MYH15: variants seen among roughly 807,000 people sequenced by gnomAD.
MYH15 encodes the protein myosin heavy chain 15, also known as myosin-15.
Under a neutral mutation model 240.5 loss-of-function variants are expected in MYH15, and 227 were observed. The observed-to-expected ratio is 0.94, with a 90% CI of 0.85 to 1.05. The LOEUF (loss-of-function observed/expected upper bound fraction) is 1.05, where lower values mean the gene tolerates loss of function less well. Ranked by LOEUF, MYH15 falls within the 50% of genes least tolerant of loss-of-function variation. The probability of loss-of-function intolerance (pLI) is 0.00; values close to 1 mark genes in which losing one functional copy is unlikely to be tolerated. For synonymous variants in MYH15, 785 were observed against 796.7 expected, an observed-to-expected ratio of 0.99 and a Z score of 0.25; for missense variants, 2,217 against 2,247.5, an observed-to-expected ratio of 0.99 and a Z score of 0.27.
chr3:108,515,307 A>G (rs949128914), upstream of MYH15, among the ~76,000 whole-genome samples: 1 of 152,194 alleles, frequency 6.6e-6, no homozygotes, highest in Non-Finnish European at 1.5e-5. Flanking sequence ...GTGTGGTCAC[A>G]TGGTGCCACA....
intron 27 of MYH15, among the ~76,000 whole-genome samples, chr3:108,427,698 T>C (rs2082737739): frequency 6.6e-6 from 1 of 151,994 alleles, no homozygotes; most frequent in Admixed American, 6.6e-5. Flanking sequence ...CAGTATGGTA[T>C]TTAAAAGGAA....
chr3:108,495,915 T>C, intron 6 of MYH15, 43 bp from the exon 7 acceptor site: 1 of 1,454,556 alleles, frequency 6.9e-7, no homozygotes, highest in Non-Finnish European at 9.4e-7. Flanking sequence ...AAACTATTAG[T>C]AGAATTCTGT....
At chr3:108,498,839 G>T (rs1488110879) in intron 5 of MYH15, among the ~76,000 whole-genome samples, 1 of 152,232 alleles carries the variant, frequency 6.6e-6, no homozygotes, top group Non-Finnish European at 1.5e-5. Context: ...CACCATCATT[G>T]CATGGGAAGG....
rs187959919 is a variant in MYH15 at position 108,492,148 on chromosome 3, C to T, written c.871+352G>A. Among the ~76,000 whole-genome samples the T allele has an allele frequency of 5.1e-3, 768 of 151,748 alleles. 3 individuals carry two copies. The highest frequency in any genetic ancestry group is 7.9e-3 in the Non-Finnish European group (537 of 67,954). On this transcript the variant is annotated intron_variant, in intron 9 of 40. Coordinates refer to ENST00000693548, the MANE Select transcript of MYH15 (RefSeq NM_014981.3). ...ATGATGCTATTTCCCTCCCCTGGTC[C>T]TTATCTATACCACCCATGTAGCTCT...
chr3:108,404,716 T>C (rs952851311), intron 33 of MYH15, among the ~76,000 whole-genome samples: 3 of 152,220 alleles, frequency 2.0e-5, no homozygotes, highest in African/African-American at 7.2e-5. Flanking sequence ...AAGGATTCAA[T>C]AAGCAGCTTA....
the MYH15 span, among the ~76,000 whole-genome samples, chr3:108,534,763 C>T: frequency 3.3e-5 from 5 of 151,454 alleles, no homozygotes; most frequent in African/African-American, 4.9e-5. Context: ...CACCTGTAGT[C>T]CCAGCTACTT....
At chr3:108,408,257 T>C in intron 32 of MYH15, 23 bp downstream of exon 32, 1 of 1,597,756 alleles carries the variant, frequency 6.3e-7, no homozygotes, top group Non-Finnish European at 8.5e-7. Flanking sequence ...GTGAAAACTT[T>C]CTTTTCTCCC....
chr3:108,397,924 T>G (rs1297098085), intron 35 of MYH15, among the ~76,000 whole-genome samples: 1 of 152,146 alleles, frequency 6.6e-6, no homozygotes, highest in Non-Finnish European at 1.5e-5. Flanking sequence ...ATCCTGGCTG[T>G]GGATGCCCTG....
intron 35 of MYH15, among the ~76,000 whole-genome samples, chr3:108,396,459 C>T (rs540364761): frequency 2.0e-5 from 3 of 152,278 alleles, no homozygotes; most frequent in African/African-American, 7.2e-5. Flanking sequence ...AGAGCATTTG[C>T]ACTCCTATGA....
chr3:108,475,426 T>C (rs2083212166), intron 12 of MYH15, among the ~76,000 whole-genome samples: 1 of 152,184 alleles, frequency 6.6e-6, no homozygotes, highest in Admixed American at 6.6e-5. Flanking sequence ...AAAGGCTACA[T>C]TTCTCAGCCC....
intron 31 of MYH15, among the ~76,000 whole-genome samples, chr3:108,409,968 C>T (rs7646656): frequency 1.3e-5 from 2 of 152,152 alleles, no homozygotes; most frequent in Admixed American, 1.3e-4. Context: ...CATGCAAAGA[C>T]CCACAAGGTA....
At chr3:108,496,900 C>A (rs1423156534) in intron 6 of MYH15, among the ~76,000 whole-genome samples, 1 of 151,276 alleles carries the variant, frequency 6.6e-6, no homozygotes, top group Non-Finnish European at 1.5e-5. Flanking sequence ...CGGTGGCTCA[C>A]GCCTGTAATC....
At position 108,428,198 on chromosome 3, in the gene MYH15, C is replaced by T. The variant is rs142240940; in HGVS notation, c.3702+294G>A. ...TCAAGACAGACATAGATAGTGGCCTCAGATTTCCAGCTCACTTACTTGTGC... is the reference window on the plus strand; with the variant it reads ...TCAAGACAGACATAGATAGTGGCCTTAGATTTCCAGCTCACTTACTTGTGC... On this transcript the variant is annotated intron_variant, in intron 27 of 40. Transcript: ENST00000693548. Among the ~76,000 whole-genome samples, 6 of 152,286 alleles carry T rather than the reference C, an allele frequency of 3.9e-5. No individual in the cohort carries two copies. In the East Asian group the frequency reaches 7.7e-4, roughly 20 times the overall value.
rs1397162782 is a variant in MYH15, at chr3:108,506,107, A to G, written c.89-278T>C. ...AAAGTTACCTCCCAACACCCCTCCC[A>G]ACCCCAACACTTTCCTCCACTCACA... is the stretch of plus-strand genomic sequence containing the variant. On this transcript the variant is annotated intron_variant, in intron 1 of 40. Transcript: ENST00000693548. Among the ~76,000 whole-genome samples the G allele has an allele frequency of 3.3e-5, 5 of 152,118 alleles. No individual in the cohort carries two copies. In the East Asian group the frequency reaches 9.7e-4, roughly 29 times the overall value.
intron 11 of MYH15, among the ~76,000 whole-genome samples, chr3:108,478,478 C>A (rs200180023): frequency 6.6e-6 from 1 of 152,024 alleles, no homozygotes; most frequent in East Asian, 1.9e-4. Flanking sequence ...CCAGGTTTGG[C>A]GGCAAAAGCT....
chr3:108,499,410 G>A lies in MYH15; in HGVS notation c.524+45C>T, dbSNP rs767533613. The A allele has an allele frequency of 3.8e-6, 6 of 1,598,868 alleles. No individual in the cohort carries two copies. The South Asian group carries it at 6.7e-5, about 18-fold the overall frequency. ...GTGAAATGGAGGTATCTATTTCACT[G>A]AAACTTACTTCAGGCCAAAAAAGAA... On this transcript the variant is annotated intron_variant, in intron 5 of 40. Coordinates refer to ENST00000693548, the MANE Select transcript of MYH15 (RefSeq NM_014981.3).
At chr3:108,425,111 G>C (rs375172209) in intron 27 of MYH15, among the ~76,000 whole-genome samples, 26 of 152,206 alleles carry the variant, frequency 1.7e-4, no homozygotes, top group African/African-American at 5.8e-4. Context: ...TCAAAAACAG[G>C]TAAGTCTTTA....
the MYH15 span, among the ~76,000 whole-genome samples, chr3:108,542,881 CTT>C: frequency 1.2e-4 from 16 of 133,152 alleles, no homozygotes; most frequent in East Asian, 2.0e-4. Context: ...GATCTCGTTC[CTT>C]TTTTTTTTTT....
chr3:108,453,019 T>G (rs1576242384), intron 21 of MYH15, among the ~76,000 whole-genome samples: 1 of 152,318 alleles, frequency 6.6e-6, no homozygotes, highest in South Asian at 2.1e-4. Flanking sequence ...TCCATGAGTA[T>G]GCATTATAGT....
Sources: allele counts gnomAD v4.1 joint callset (sites outside exome capture counted in the v4.1 genomes callset), GRCh38; gene constraint gnomAD v4.1.1; transcripts MANE v1.5; gene names NCBI Gene and HGNC (gene_info 2026-07-23, HGNC 2026-07-21).